Variants in FRMPD3 observed in about 807,000 individuals in gnomAD.
FRMPD3 encodes the protein FERM and PDZ domain-containing protein 3.
A neutral mutation model predicts 97.9 loss-of-function variants in FRMPD3; 42 were observed. The observed-to-expected ratio is 0.43, with a 90% CI of 0.34 to 0.55. The LOEUF (loss-of-function observed/expected upper bound fraction) is 0.55, where lower values mean the gene tolerates loss of function less well. Among genes scored for constraint, FRMPD3 ranks in the 20% least tolerant of loss-of-function variants. The pLI is 0.03. For missense variants in FRMPD3, 1,303 were observed against 1,457.7 expected, an observed-to-expected ratio of 0.89 and a Z score of 1.73; for synonymous variants, 577 against 581.1, an observed-to-expected ratio of 0.99 and a Z score of 0.10.
At chrX:107,576,165 T>A in intron 12 of FRMPD3, 150 bp from the exon 13 acceptor site, 2 of 533,690 alleles carry the variant, frequency 3.7e-6, no homozygotes, top group Non-Finnish European at 6.1e-6. Flanking sequence ...CAGAATAAAC[T>A]ATTTGTCAAG....
intron 12 of FRMPD3, among the ~76,000 whole-genome samples, chrX:107,566,704 T>C (rs1922617311): frequency 8.8e-6 from 1 of 113,404 alleles, no homozygotes; most frequent in African/African-American, 3.2e-5. Flanking sequence ...TATGATTTCT[T>C]TGGTCATGGG....
chrX:107,502,472 A>G (rs58553854), intron 1 of FRMPD3, among the ~76,000 whole-genome samples: 3,002 of 110,919 alleles, frequency 0.027, 94 homozygotes, highest in African/African-American at 0.094. Context: ...TCCCCTGGCA[A>G]CTGGATCCAG....
At chrX:107,562,742 C>A (rs889750448) in intron 10 of FRMPD3, among the ~76,000 whole-genome samples, 1 of 112,042 alleles carries the variant, frequency 8.9e-6, no homozygotes, top group African/African-American at 3.2e-5. Flanking sequence ...TTGAGTGGGA[C>A]CCCCAGCTGG....
chrX:107,490,348 A>C (rs1026368016), intron 1 of FRMPD3, among the ~76,000 whole-genome samples: 1 of 111,978 alleles, frequency 8.9e-6, no homozygotes, highest in African/African-American at 3.2e-5. Flanking sequence ...TATGAACTTT[A>C]AAGTAGTTTT....
chrX:107,520,398 G>A (rs1922466837), intron 1 of FRMPD3, among the ~76,000 whole-genome samples: 1 of 110,516 alleles, frequency 9.0e-6, no homozygotes, highest in Non-Finnish European at 1.9e-5. Flanking sequence ...CCAGCACTTT[G>A]GGAGGCTGAG....
At chrX:107,488,307 A>G (rs916015435) in intron 1 of FRMPD3, among the ~76,000 whole-genome samples, 2 of 111,995 alleles carry the variant, frequency 1.8e-5, no homozygotes, top group South Asian at 3.7e-4. Context: ...TTATGTCTCC[A>G]CTTGCTCTGA....
chrX:107,463,301 C>T (rs1282604655), intron 1 of FRMPD3, among the ~76,000 whole-genome samples: 6 of 111,870 alleles, frequency 5.4e-5, no homozygotes, highest in Non-Finnish European at 1.1e-4. Context: ...TTCTATGATC[C>T]ATGGTTCATT....
chrX:107,526,481 T>TG, intron 1 of FRMPD3, 101 bp from the exon 2 acceptor site: 1 of 744,016 alleles, frequency 1.3e-6, no homozygotes, highest in Middle Eastern at 3.2e-4. Flanking sequence ...TGTAAACTCC[T>TG]GGGTGCCAGG....
At chrX:107,561,074 G>A (rs976008306) in intron 10 of FRMPD3, among the ~76,000 whole-genome samples, 2 of 112,375 alleles carry the variant, frequency 1.8e-5, no homozygotes, top group African/African-American at 6.5e-5. Flanking sequence ...CACTGAGAGA[G>A]CTCAGGGTCC....
In FRMPD3 at chrX:107,597,409, C is replaced by T; in HGVS notation, c.1530C>T (p.Pro510=). 1.7e-6 allele frequency: 2 copies of T among 1,210,814 alleles called. No individual in the cohort carries two copies. Among genetic ancestry groups the T allele is most frequent in the African/African-American group, 3.5e-5 (2 of 57,833 alleles). Residue 510 remains proline (P), a synonymous_variant, in exon 14 of 15, where the codon CCC becomes CCT. Transcript: ENST00000683843. The part of the protein sequence containing the change: ...SSYVGSVGTS[P]RKSSRCTPPP... Reference sequence around the variant, plus strand: ...ATGTGGGCAGCGTGGGCACCAGCCCCAGGAAATCGAGCCGCTGCACGCCCC... The same window carrying T: ...ATGTGGGCAGCGTGGGCACCAGCCCTAGGAAATCGAGCCGCTGCACGCCCC...
At chrX:107,542,415 A>G (rs1921353856) in intron 4 of FRMPD3, among the ~76,000 whole-genome samples, 1 of 111,207 alleles carries the variant, frequency 9.0e-6, no homozygotes, top group Admixed American at 9.5e-5. Flanking sequence ...GGAAATCATC[A>G]GAAGCTTGAA....
chrX:107,589,178 C>CT (rs1171103466), intron 13 of FRMPD3, among the ~76,000 whole-genome samples: 1 of 110,794 alleles, frequency 9.0e-6, no homozygotes. Flanking sequence ...GAGTTTTGAG[C>CT]TTTTTTTCAC....
chrX:107,500,008 C>A (rs1022520473), intron 1 of FRMPD3, among the ~76,000 whole-genome samples: 3 of 111,757 alleles, frequency 2.7e-5, no homozygotes, highest in African/African-American at 9.8e-5. Context: ...GTTAAAGAGG[C>A]GGTGGAAGGG....
At chrX:107,488,698 C>T (rs1466645463) in intron 1 of FRMPD3, among the ~76,000 whole-genome samples, 1 of 111,313 alleles carries the variant, frequency 9.0e-6, no homozygotes, top group Non-Finnish European at 1.9e-5. Flanking sequence ...CACTTTCAGT[C>T]CAGTGGGTTT....
intron 8 of FRMPD3, chrX:107,554,795 C>T: frequency 3.6e-6 from 1 of 281,459 alleles, no homozygotes; most frequent in Non-Finnish European, 6.4e-6. Flanking sequence ...TAAAGTTTAA[C>T]AAGCCCATTT....
chrX:107,598,922 A>G (rs1019500691), intron 14 of FRMPD3, among the ~76,000 whole-genome samples: 1 of 111,916 alleles, frequency 8.9e-6, no homozygotes, highest in African/African-American at 3.3e-5. Context: ...AGACAAACAC[A>G]TGTCAGACAC....
At chrX:107,538,560 A>C (rs958185959) in intron 4 of FRMPD3, among the ~76,000 whole-genome samples, 1 of 108,351 alleles carries the variant, frequency 9.2e-6, no homozygotes, top group East Asian at 2.9e-4. Flanking sequence ...AAAAAAAAAA[A>C]AAAAACCACT....
At chrX:107,498,615 G>A (rs1365969322) in intron 1 of FRMPD3, among the ~76,000 whole-genome samples, 1 of 111,684 alleles carries the variant, frequency 9.0e-6, no homozygotes, top group African/African-American at 3.3e-5. Context: ...TTTTGGGAAG[G>A]AAGACCTAGT....
intron 4 of FRMPD3, among the ~76,000 whole-genome samples, chrX:107,542,201 C>G (rs1395253834): frequency 1.8e-5 from 2 of 112,590 alleles, no homozygotes; most frequent in African/African-American, 6.4e-5. Context: ...AGCCCCTGCT[C>G]AGGATTGGAG....
Sources: gnomAD v4.1 joint callset for allele counts (sites outside exome capture counted in the v4.1 genomes callset) on GRCh38, gnomAD v4.1.1 for gene constraint, MANE v1.5 for transcripts, NCBI Gene and HGNC (gene_info 2026-07-23, HGNC 2026-07-21) for gene names.